DIAPH2: variants seen among roughly 807,000 people sequenced by gnomAD.
DIAPH2 encodes the protein diaphanous related formin 2.
A neutral mutation model predicts 92.7 loss-of-function variants in DIAPH2; 35 were observed. The observed-to-expected ratio is 0.38, with a 90% CI of 0.29 to 0.50. The LOEUF is 0.50. DIAPH2 is among the 20% of genes least tolerant of loss of function. The pLI is 0.94. For synonymous variants in DIAPH2, 301 were observed against 280.4 expected (o/e 1.07, Z -0.73); for missense variants, 701 against 819.5 (o/e 0.86, Z 1.77).
At chrX:97,223,294 T>G (rs1048074693) in intron 22 of DIAPH2, among the ~76,000 whole-genome samples, 1 of 111,853 alleles carries the variant, frequency 8.9e-6, no homozygotes, top group Non-Finnish European at 1.9e-5. Context: ...TTTACCTAAG[T>G]ATCCTATCAC....
chrX:97,478,653 G>A (rs1432151445), intron 26 of DIAPH2, among the ~76,000 whole-genome samples: 1 of 112,071 alleles, frequency 8.9e-6, no homozygotes, highest in Non-Finnish European at 1.9e-5. Context: ...TTTAAATCTT[G>A]TACATTTTAT....
chrX:97,206,595 A>G (rs908360451), intron 22 of DIAPH2, among the ~76,000 whole-genome samples: 2 of 111,998 alleles, frequency 1.8e-5, no homozygotes, highest in Non-Finnish European at 3.8e-5. Context: ...GGCATACATA[A>G]TGCATATAAT....
intron 18 of DIAPH2, among the ~76,000 whole-genome samples, chrX:97,074,420 A>G (rs772422170): frequency 8.9e-6 from 1 of 112,495 alleles, no homozygotes; most frequent in South Asian, 3.7e-4. Flanking sequence ...AAGAAAAAAA[A>G]GAAAAAAGAA....
chrX:97,261,698 C>A (rs943549065), intron 23 of DIAPH2, among the ~76,000 whole-genome samples: 1 of 111,026 alleles, frequency 9.0e-6, no homozygotes, highest in Non-Finnish European at 1.9e-5. Flanking sequence ...TGAGCCACCA[C>A]GCCTGGCCTC....
intron 23 of DIAPH2, among the ~76,000 whole-genome samples, chrX:97,269,850 T>A (rs2068371742): frequency 9.1e-6 from 1 of 109,294 alleles, no homozygotes; most frequent in Non-Finnish European, 1.9e-5. Flanking sequence ...CCTCCCGAGT[T>A]CAAGCGATTC....
At chrX:97,464,190 G>T (rs6620281) in intron 26 of DIAPH2, among the ~76,000 whole-genome samples, 40,123 of 105,061 alleles carry the variant, frequency 0.38, 5,838 homozygotes, top group East Asian at 0.56. Context: ...TCAGGCCGGG[G>T]GTGGTGGCTC....
chrX:97,458,196 G>GT (rs2070425273), intron 26 of DIAPH2, among the ~76,000 whole-genome samples: 1 of 111,014 alleles, frequency 9.0e-6, no homozygotes, highest in African/African-American at 3.3e-5. Context: ...ATAATTGGGG[G>GT]GATTCATCTT....
chrX:97,163,697 G>A (rs1010670665), intron 22 of DIAPH2, among the ~76,000 whole-genome samples: 1 of 111,893 alleles, frequency 8.9e-6, no homozygotes, highest in Non-Finnish European at 1.9e-5. Context: ...TGTACAAGAA[G>A]CTTGTGACAT....
intron 17 of DIAPH2, among the ~76,000 whole-genome samples, chrX:97,023,469 T>G (rs774838163): frequency 4.5e-4 from 50 of 111,627 alleles, no homozygotes; most frequent in Admixed American, 9.5e-5. Flanking sequence ...AAACTAATAT[T>G]TTCCTCATTT....
chrX:97,570,115 TA>T (rs1569426212), intron 26 of DIAPH2, among the ~76,000 whole-genome samples: 44 of 29,016 alleles, frequency 1.5e-3, no homozygotes, highest in South Asian at 2.8e-3. Flanking sequence ...TATATATATA[TA>T]TATATATTAG....
At chrX:97,218,531 A>G (rs2067901413) in intron 22 of DIAPH2, among the ~76,000 whole-genome samples, 1 of 111,314 alleles carries the variant, frequency 9.0e-6, no homozygotes. Context: ...TATGCATTTT[A>G]TTCAACTGAT....
chrX:97,076,841 C>G (rs1324700262), intron 19 of DIAPH2, among the ~76,000 whole-genome samples: 1 of 111,379 alleles, frequency 9.0e-6, no homozygotes, highest in Non-Finnish European at 1.9e-5. Flanking sequence ...AAGCCTTTAT[C>G]TCTTTATCTT....
intron 25 of DIAPH2, among the ~76,000 whole-genome samples, chrX:97,424,735 C>A (rs772624497): frequency 9.0e-5 from 10 of 111,469 alleles, no homozygotes; most frequent in Non-Finnish European, 1.3e-4. Flanking sequence ...CCGCCCCAGC[C>A]TCCTGAGTAG....
chrX:96,964,685 C>T (rs1454403223), intron 16 of DIAPH2, among the ~76,000 whole-genome samples: 3 of 111,313 alleles, frequency 2.7e-5, no homozygotes, highest in Non-Finnish European at 3.8e-5. Context: ...ACGTAGGAGG[C>T]GTGTGTCAGC....
intron 5 of DIAPH2, chrX:96,885,250 C>T (rs1245206894): frequency 1.7e-5 from 8 of 479,201 alleles, no homozygotes; most frequent in Admixed American, 4.2e-5. Flanking sequence ...TTGAACTTTT[C>T]GGATTTTCTG....
intron 17 of DIAPH2, among the ~76,000 whole-genome samples, chrX:97,057,207 A>G (rs1353407380): frequency 8.9e-6 from 1 of 111,859 alleles, no homozygotes; most frequent in Non-Finnish European, 1.9e-5. Context: ...AACAAAAATT[A>G]TTTGAAATGT....
intron 22 of DIAPH2, among the ~76,000 whole-genome samples, chrX:97,162,551 CTGG>C (rs2067381997): frequency 9.0e-6 from 1 of 111,697 alleles, no homozygotes; most frequent in Non-Finnish European, 1.9e-5. Flanking sequence ...GTTACCCAGG[CTGG>C]AGTGCAGTGG....
intron 23 of DIAPH2, among the ~76,000 whole-genome samples, chrX:97,270,990 G>A (rs1294567342): frequency 9.0e-6 from 1 of 111,203 alleles, no homozygotes; most frequent in African/African-American, 3.3e-5. Flanking sequence ...AGATTCGCAT[G>A]TACAAAGTAT....
At chrX:96,846,103 C>T (rs1026391736) in intron 4 of DIAPH2, among the ~76,000 whole-genome samples, 3 of 107,372 alleles carry the variant, frequency 2.8e-5, no homozygotes, top group Admixed American at 1.0e-4. Context: ...TGCCTCCGGC[C>T]GAGCAATACA....
Sources: gnomAD v4.1 joint callset for allele counts (sites outside exome capture counted in the v4.1 genomes callset) on GRCh38, gnomAD v4.1.1 for gene constraint, MANE v1.5 for transcripts, NCBI Gene and HGNC (gene_info 2026-07-23, HGNC 2026-07-21) for gene names.